Variants in FLVCR1 observed in about 807,000 individuals in gnomAD.
The protein encoded by FLVCR1 is choline/ethanolamine transporter FLVCR1.
FLVCR1 carries 34 observed loss-of-function variants against 53.6 expected under a neutral mutation model. The observed-to-expected ratio is 0.63, with a 90% CI of 0.48 to 0.84. The LOEUF is 0.84. FLVCR1 is among the 40% of genes least tolerant of loss of function. The pLI is 0.00. For synonymous variants in FLVCR1, 300 were observed against 286.3 expected, an observed-to-expected ratio of 1.05 and a Z score of -0.48; for missense variants, 677 against 696.7, an observed-to-expected ratio of 0.97 and a Z score of 0.32.
At chr1:212,865,876 C>T (rs1430557889) in intron 2 of FLVCR1, among the ~76,000 whole-genome samples, 6 of 142,028 alleles carry the variant, frequency 4.2e-5, no homozygotes, top group Admixed American at 7.0e-5. Flanking sequence ...AGGGCAGTGG[C>T]GCTATCTGGA....
At chr1:212,884,651 T>TGCTTAGTG (rs1665012530) in intron 4 of FLVCR1, among the ~76,000 whole-genome samples, 2 of 152,228 alleles carry the variant, frequency 1.3e-5, no homozygotes, top group African/African-American at 4.8e-5. Flanking sequence ...CAGATATCTA[T>TGCTTAGTG]ACAGTGTCAT....
At chr1:212,893,380 G>T (rs1467598806) in intron 8 of FLVCR1, among the ~76,000 whole-genome samples, 2 of 152,128 alleles carry the variant, frequency 1.3e-5, no homozygotes, top group Non-Finnish European at 2.9e-5. Flanking sequence ...GATAAGCAAA[G>T]AAAGTGTTTT....
intron 2 of FLVCR1, among the ~76,000 whole-genome samples, chr1:212,866,427 C>T (rs1194919461): frequency 1.3e-5 from 2 of 151,684 alleles, no homozygotes; most frequent in African/African-American, 4.8e-5. Flanking sequence ...GGCCAAAATT[C>T]TCTTTCTTTT....
intron 7 of FLVCR1, 144 bp downstream of exon 7, chr1:212,888,738 G>T: frequency 1.5e-6 from 1 of 683,166 alleles, no homozygotes; most frequent in Non-Finnish European, 2.6e-6. Context: ...AAGCTGGAGT[G>T]CAGTAGTGCA....
chr1:212,874,718 G>C (rs190053355), intron 3 of FLVCR1, among the ~76,000 whole-genome samples: 5 of 151,380 alleles, frequency 3.3e-5, no homozygotes, highest in African/African-American at 1.2e-4. Context: ...TAGTAGAGGC[G>C]GGGTTTCACC....
intron 8 of FLVCR1, among the ~76,000 whole-genome samples, chr1:212,891,228 G>T (rs147565330): frequency 6.6e-6 from 1 of 152,206 alleles, no homozygotes; most frequent in African/African-American, 2.4e-5. Context: ...GACCAACATA[G>T]TGAAACCGTG....
At chr1:212,862,565 TCC>T (rs1239511101) in intron 1 of FLVCR1, among the ~76,000 whole-genome samples, 2 of 152,254 alleles carry the variant, frequency 1.3e-5, no homozygotes, top group Non-Finnish European at 2.9e-5. Flanking sequence ...ATTTTGTTTA[TCC>T]ATTTATCTGT....
In FLVCR1 at chr1:212,896,391, T is replaced by C. The variant is rs1665336008; in HGVS notation, c.*1101T>C. 1 of 152,186 alleles carries C rather than the reference T, an allele frequency of 6.6e-6. No homozygotes were observed. The highest frequency in any genetic ancestry group is 1.5e-5 in the Non-Finnish European group (1 of 68,030). 9.4% of individuals were successfully genotyped at this position (152,186 alleles called of 1,614,324 possible). A position where few individuals can be genotyped will look rare whatever the true frequency, so the allele number is the denominator to read the frequency against. On this transcript the variant is annotated 3_prime_UTR_variant, in exon 10 of 10. Coordinates refer to ENST00000366971, the MANE Select transcript of FLVCR1 (RefSeq NM_014053.4). ...TATGCCCAGGTACATGCTCTATCAG[T>C]GTGCCGGGAGAGTGGATTCTTTTCT...
chr1:212,868,825 G>T (rs2102545692), intron 2 of FLVCR1, among the ~76,000 whole-genome samples: 1 of 152,184 alleles, frequency 6.6e-6, no homozygotes, highest in African/African-American at 2.4e-5. Flanking sequence ...ATATTTTTGT[G>T]TTGCACTTGA....
In FLVCR1 at chr1:212,885,399, A is replaced by G; in HGVS notation, c.1196+3A>G. On this transcript the variant is annotated splice_donor_region_variant and intron_variant, in intron 5 of 9. Coordinates refer to ENST00000366971, the MANE Select transcript of FLVCR1 (RefSeq NM_014053.4). ...CTGGATTATACTAAAACATACAAGT[A>G]AGTGAAAGTAAATACATGTATGGTG... The G allele has an allele frequency of 6.3e-7, 1 of 1,599,462 alleles. No homozygotes were observed. Among genetic ancestry groups the G allele is most frequent in the South Asian group, 1.1e-5 (1 of 90,774 alleles).
chr1:212,869,986 T>G (rs141166816), intron 2 of FLVCR1: 22 of 152,378 alleles, frequency 1.4e-4, no homozygotes, highest in African/African-American at 4.6e-4. Context: ...TTCTGAAACT[T>G]TGTTTTATAA....
intron 2 of FLVCR1, among the ~76,000 whole-genome samples, chr1:212,870,978 C>T (rs1275130148): frequency 1.3e-5 from 2 of 152,132 alleles, no homozygotes; most frequent in Non-Finnish European, 2.9e-5. Context: ...CCATGTTGGC[C>T]AGGCTGGTCT....
Position 212,896,559 on chromosome 1 carries a change from CTG to C in FLVCR1, c.*1272_*1273del, listed in dbSNP as rs1665339503. 1 of 152,064 alleles carries C rather than the reference CTG, an allele frequency of 6.6e-6. No homozygotes were observed. Among genetic ancestry groups the C allele is most frequent in the African/African-American group, 2.4e-5 (1 of 41,404 alleles). The allele number at this position is 152,064 out of a possible 1,614,324, so 9.4% of individuals were successfully genotyped here. A position where few individuals can be genotyped will look rare whatever the true frequency, so the allele number is the denominator to read the frequency against. ...TTTAAATATTGTTGATGTCCTGACT[CTG>C]TGAGCTCATAGGGAGTATCTTCATA... On this transcript the variant is annotated 3_prime_UTR_variant, in exon 10 of 10. Transcript: ENST00000366971.
chr1:212,862,259 T>C (rs959611128), intron 1 of FLVCR1, among the ~76,000 whole-genome samples: 3 of 152,230 alleles, frequency 2.0e-5, no homozygotes, highest in Non-Finnish European at 4.4e-5. Context: ...CTGTTACTTC[T>C]GTCTAGTTTC....
intron 3 of FLVCR1, among the ~76,000 whole-genome samples, chr1:212,878,241 G>T (rs571625077): frequency 5.3e-5 from 8 of 152,078 alleles, no homozygotes; most frequent in Non-Finnish European, 1.2e-4. Context: ...GGTGGCTCAG[G>T]CCTGTAATCC....
rs41301015 is a variant in FLVCR1, at chr1:212,895,200, CTGAT to C, written c.1594-13_1594-10del. 6.3e-7 allele frequency: 1 copy of C among 1,588,356 alleles called. No individual in the cohort carries two copies. Among genetic ancestry groups the C allele is most frequent in the African/African-American group, 1.3e-5 (1 of 74,482 alleles). ...CCAGATGCTATACATTTTTAATCTTCTGATTGTTTTTATAGATACCAGCTGACAG... is the reference window on the plus strand; with the variant it reads ...CCAGATGCTATACATTTTTAATCTTCTGTTTTTATAGATACCAGCTGACAG... On this transcript the variant is annotated splice_polypyrimidine_tract_variant and intron_variant, in intron 9 of 9. Transcript: ENST00000366971.
chr1:212,869,497 A>T (rs1451601250), intron 2 of FLVCR1, among the ~76,000 whole-genome samples: 1 of 152,234 alleles, frequency 6.6e-6, no homozygotes, highest in Non-Finnish European at 1.5e-5. Context: ...TAACTCTTGT[A>T]TTCAAAAAAT....
At chr1:212,876,258 C>T (rs1664749615) in intron 3 of FLVCR1, among the ~76,000 whole-genome samples, 1 of 152,156 alleles carries the variant, frequency 6.6e-6, no homozygotes. Flanking sequence ...CATCATTCCG[C>T]TCCCACTTAT....
chr1:212,893,065 T>TTGGGG (rs376805847), intron 8 of FLVCR1, among the ~76,000 whole-genome samples: 10 of 142,398 alleles, frequency 7.0e-5, no homozygotes, highest in African/African-American at 1.8e-4. Context: ...TCTTTTTTTT[T>TTGGGG]GGGGGGGGGT....
Sources: allele counts gnomAD v4.1 joint callset (sites outside exome capture counted in the v4.1 genomes callset), GRCh38; gene constraint gnomAD v4.1.1; transcripts MANE v1.5; gene names NCBI Gene and HGNC (gene_info 2026-07-23, HGNC 2026-07-21).